Variants in CFAP61 observed in about 807,000 individuals in gnomAD.
CFAP61 encodes cilia and flagella associated protein 61, also known as cilia- and flagella-associated protein 61.
CFAP61 carries 107 observed loss-of-function variants against 135.6 expected under a neutral mutation model. That is an observed-to-expected ratio of 0.79 (90% confidence interval 0.67 to 0.93). The LOEUF (loss-of-function observed/expected upper bound fraction) is 0.93, where lower values mean the gene tolerates loss of function less well. Among genes scored for constraint, CFAP61 ranks in the 40% least tolerant of loss-of-function variants. The pLI is 0.00. For missense variants in CFAP61, 1,507 were observed against 1,556.2 expected, an observed-to-expected ratio of 0.97 and a Z score of 0.53; for synonymous variants, 575 against 578.5, an observed-to-expected ratio of 0.99 and a Z score of 0.09.
intron 18 of CFAP61, among the ~76,000 whole-genome samples, chr20:20,235,393 C>T (rs2049505832): frequency 6.6e-6 from 1 of 152,028 alleles, no homozygotes; most frequent in African/African-American, 2.4e-5. Flanking sequence ...ATTTTCAGGC[C>T]CCACCCAGAC....
chr20:20,113,853 C>G (rs1238816704), intron 8 of CFAP61, among the ~76,000 whole-genome samples: 1 of 151,716 alleles, frequency 6.6e-6, no homozygotes, highest in African/African-American at 2.4e-5. Flanking sequence ...GTCTTAATTA[C>G]CATAGACTTA....
intron 10 of CFAP61, among the ~76,000 whole-genome samples, chr20:20,161,348 T>C (rs905058374): frequency 6.6e-6 from 1 of 152,178 alleles, no homozygotes. Context: ...CTCCTATTTT[T>C]ATCTCCTCTC....
At chr20:20,102,201 C>G (rs1055892991) in intron 8 of CFAP61, among the ~76,000 whole-genome samples, 1 of 152,240 alleles carries the variant, frequency 6.6e-6, no homozygotes, top group African/African-American at 2.4e-5. Flanking sequence ...CTGGTGCTTT[C>G]TCCATTGACT....
At chr20:20,255,630 C>T (rs985799892) in intron 20 of CFAP61, among the ~76,000 whole-genome samples, 1 of 152,170 alleles carries the variant, frequency 6.6e-6, no homozygotes, top group African/African-American at 2.4e-5. Flanking sequence ...GACCCATCTA[C>T]ACCAGTGCTG....
chr20:20,133,299 G>C lies in CFAP61; in HGVS notation c.860-9558G>C, dbSNP rs1338042956. ...TCAACTAGGCAGCTCTGCTGATCTT[G>C]GCTGAGTCTACTCACATGTCTTGGA... On this transcript the variant is annotated intron_variant, in intron 8 of 26. Transcript: ENST00000245957. Among the ~76,000 whole-genome samples, 3 of 152,188 alleles carry C rather than the reference G, an allele frequency of 2.0e-5. No individual in the cohort carries two copies. In the South Asian group the frequency reaches 6.2e-4, roughly 31 times the overall value.
chr20:20,225,277 C>T (rs1230536899), intron 17 of CFAP61: 1 of 152,046 alleles, frequency 6.6e-6, no homozygotes, highest in Non-Finnish European at 1.5e-5. Flanking sequence ...AAGAAAAACA[C>T]GATTTTTTCA....
At chr20:20,188,162 AG>A (rs913286848) in intron 14 of CFAP61, 106 bp downstream of exon 14, 20 of 1,183,206 alleles carry the variant, frequency 1.7e-5, no homozygotes, top group African/African-American at 3.0e-5. Context: ...ATCATATGGC[AG>A]GGGGCAGTGG....
intron 13 of CFAP61, among the ~76,000 whole-genome samples, chr20:20,186,579 C>CACTGA (rs1315034234): frequency 6.6e-6 from 1 of 152,054 alleles, no homozygotes; most frequent in Non-Finnish European, 1.5e-5. Context: ...ATCTGTAATC[C>CACTGA]ACTGAACTAG....
intron 21 of CFAP61, among the ~76,000 whole-genome samples, chr20:20,270,317 C>T (rs2053242766): frequency 6.6e-6 from 1 of 152,112 alleles, no homozygotes; most frequent in South Asian, 2.1e-4. Flanking sequence ...ATCTTTATAG[C>T]ATTGAGCGTG....
chr20:20,332,533 T>C (rs992676185), intron 25 of CFAP61, among the ~76,000 whole-genome samples: 1 of 152,200 alleles, frequency 6.6e-6, no homozygotes, highest in African/African-American at 2.4e-5. Flanking sequence ...ATTTGGACAG[T>C]TTGCATTTAA....
chr20:20,314,865 CTCA>C (rs2057038251), intron 25 of CFAP61, among the ~76,000 whole-genome samples: 1 of 137,704 alleles, frequency 7.3e-6, no homozygotes, highest in Non-Finnish European at 1.5e-5. Flanking sequence ...AGGACATGAA[CTCA>C]TCGTTTTTTA....
chr20:20,329,446 C>T (rs6046798), intron 25 of CFAP61, among the ~76,000 whole-genome samples: 4 of 152,322 alleles, frequency 2.6e-5, no homozygotes, highest in African/African-American at 9.6e-5. Context: ...TCACTCGCTT[C>T]TCCCTCACCT....
rs1285111032 is a variant in CFAP61 at position 20,288,900 on chromosome 20, C to T, written c.3088C>T (p.Arg1030Trp). The T allele has an allele frequency of 3.0e-5, 49 of 1,611,980 alleles. No homozygotes were observed. The South Asian group carries it at 3.2e-4, about 10-fold the overall frequency. Residue 1030 changes from arginine to tryptophan, a missense_variant, in exon 23 of 27, where the codon CGG (arginine) becomes TGG (tryptophan). Arg to Trp is a moderately radical substitution (Grantham distance 101, BLOSUM62 -3). Transcript: ENST00000245957. ...GACCGAGCCACCAGCTAATCTTGAC[C>T]GGCTCATCCCCATGTACAAGGGAGC... ...PVTEPPANLD[R>W]LIPMYKGAKI... is the part of the protein sequence containing the mutation.
At chr20:20,316,161 C>T (rs566701929) in intron 25 of CFAP61, among the ~76,000 whole-genome samples, 1 of 152,016 alleles carries the variant, frequency 6.6e-6, no homozygotes, top group Admixed American at 6.5e-5. Flanking sequence ...TTGATTCTTC[C>T]TACCCATGAG....
At chr20:20,209,807 C>G (rs893522743) in intron 17 of CFAP61, among the ~76,000 whole-genome samples, 1 of 152,104 alleles carries the variant, frequency 6.6e-6, no homozygotes, top group African/African-American at 2.4e-5. Flanking sequence ...TCGTGGCAGG[C>G]GGGGAGGAGG....
At chr20:20,291,599 C>T (rs1012438744) in intron 24 of CFAP61, among the ~76,000 whole-genome samples, 4 of 152,306 alleles carry the variant, frequency 2.6e-5, no homozygotes, top group African/African-American at 9.6e-5. Context: ...TTGAGGCAAC[C>T]TGTGATGCAT....
At chr20:20,240,062 T>C (rs184030682) in intron 18 of CFAP61, among the ~76,000 whole-genome samples, 2 of 152,038 alleles carry the variant, frequency 1.3e-5, no homozygotes, top group African/African-American at 4.8e-5. Context: ...AAAGCTTTGA[T>C]GGAGATAGAG....
chr20:20,090,851 G>A lies in CFAP61; in HGVS notation c.574G>A (p.Asp192Asn). The A allele has an allele frequency of 6.2e-7, 1 of 1,614,110 alleles. No homozygotes were observed. Among genetic ancestry groups the A allele is most frequent in the South Asian group, 1.1e-5 (1 of 91,062 alleles). Residue 192 changes from aspartate (D) to asparagine (N), a missense_variant, in exon 7 of 27, where the codon GAC becomes AAC. Asp to Asn is a conservative substitution (Grantham distance 23). Coordinates refer to ENST00000245957, the MANE Select transcript of CFAP61 (RefSeq NM_015585.4). ...QLHVRKARVE[D>N]HDDLMPIFMR... ...AGCCTTTCTATTAAACAGGGTGGAA[G>A]ACCATGACGATCTCATGCCAATATT...
At chr20:20,159,116 A>C (rs6046673) in intron 9 of CFAP61, among the ~76,000 whole-genome samples, 1 of 152,152 alleles carries the variant, frequency 6.6e-6, no homozygotes, top group African/African-American at 2.4e-5. Flanking sequence ...ATCAGGAGGC[A>C]CCTGCACTAT....
Sources: allele counts gnomAD v4.1 joint callset (sites outside exome capture counted in the v4.1 genomes callset), GRCh38; gene constraint gnomAD v4.1.1; transcripts MANE v1.5; gene names NCBI Gene and HGNC (gene_info 2026-07-23, HGNC 2026-07-21).